MSRA: variants seen among roughly 807,000 people sequenced by gnomAD.
The protein encoded by MSRA is mitochondrial peptide methionine sulfoxide reductase.
MSRA carries 54 observed loss-of-function variants against 31.3 expected under a neutral mutation model. The observed-to-expected ratio is 1.73, with a 90% CI of 1.39 to 2.17. The LOEUF is 2.17. Ranked by LOEUF, MSRA falls within the 30% of genes most tolerant of loss-of-function variation. The pLI, the probability that MSRA is intolerant of heterozygous loss-of-function variation, is 0.00. For missense variants in MSRA, 507 were observed against 300.9 expected (o/e 1.69, Z -5.07); for synonymous variants, 169 against 116.5 (o/e 1.45, Z -2.90).
At chr8:10,076,696 AC>A (rs1798010775) in intron 1 of MSRA, among the ~76,000 whole-genome samples, 2 of 152,086 alleles carry the variant, frequency 1.3e-5, no homozygotes, top group South Asian at 2.1e-4. Flanking sequence ...AGGTTCCCTT[AC>A]CCACAGTGGT....
chr8:10,418,714 G>C (rs113836197), intron 5 of MSRA, among the ~76,000 whole-genome samples: 50 of 145,072 alleles, frequency 3.4e-4, no homozygotes, highest in African/African-American at 1.2e-3. Flanking sequence ...AGGACTTCTA[G>C]AGATAGTAGT....
At chr8:10,363,053 C>G (rs1321815133) in intron 5 of MSRA, among the ~76,000 whole-genome samples, 1 of 152,220 alleles carries the variant, frequency 6.6e-6, no homozygotes. Context: ...CAGCCTCAGT[C>G]ACTGGTGTGG....
intron 1 of MSRA, among the ~76,000 whole-genome samples, chr8:10,158,258 C>T (rs959922660): frequency 3.3e-5 from 5 of 152,178 alleles, no homozygotes; most frequent in African/African-American, 9.7e-5. Flanking sequence ...ACATTCAGAC[C>T]GTAGCAAATG....
intron 1 of MSRA, among the ~76,000 whole-genome samples, chr8:10,192,866 C>T (rs1316929643): frequency 9.9e-6 from 1 of 101,362 alleles, no homozygotes; most frequent in Non-Finnish European, 1.9e-5. Context: ...ACAGCATGTT[C>T]ATGGAAAATG....
chr8:10,095,250 G>A (rs1799075341), intron 1 of MSRA, among the ~76,000 whole-genome samples: 1 of 152,176 alleles, frequency 6.6e-6, no homozygotes, highest in Non-Finnish European at 1.5e-5. Flanking sequence ...TGTCGCATAT[G>A]GACATTTCTA....
At chr8:10,192,704 G>C (rs1355828604) in intron 1 of MSRA, among the ~76,000 whole-genome samples, 1 of 152,168 alleles carries the variant, frequency 6.6e-6, no homozygotes, top group South Asian at 2.1e-4. Flanking sequence ...GTATGTAAGG[G>C]TATGTTCTTG....
chr8:10,219,806 C>A (rs71516560), intron 2 of MSRA, among the ~76,000 whole-genome samples: 19,622 of 56,656 alleles, frequency 0.35, 3,218 homozygotes, highest in South Asian at 0.47. Context: ...ACTCTGTCTC[C>A]AAAAAAAAAA....
chr8:10,245,816 C>T (rs1225200862), intron 3 of MSRA, among the ~76,000 whole-genome samples: 2 of 152,184 alleles, frequency 1.3e-5, no homozygotes, highest in Non-Finnish European at 2.9e-5. Context: ...TACCATTGGC[C>T]AAAGCAAGTC....
At chr8:10,219,116 A>G (rs1810258954) in intron 2 of MSRA, among the ~76,000 whole-genome samples, 1 of 152,228 alleles carries the variant, frequency 6.6e-6, no homozygotes, top group Non-Finnish European at 1.5e-5. Context: ...TAGATGTGCA[A>G]TGCCTTCAAA....
In MSRA at chr8:10,306,784, G is replaced by A. The variant is rs532530699; in HGVS notation, c.436+5146G>A. Among the ~76,000 whole-genome samples the A allele has an allele frequency of 2.6e-5, 4 of 152,262 alleles. No homozygotes were observed. In the South Asian group the frequency reaches 6.2e-4, roughly 24 times the overall value. The stretch of plus-strand genomic sequence containing the variant: ...GCACAGACTGAGTGCCTCGAGCCAA[G>A]CCACAGGTACACCAGGCAGAGGGTC... On this transcript the variant is annotated intron_variant, in intron 4 of 5. Coordinates refer to ENST00000317173, the MANE Select transcript of MSRA (RefSeq NM_012331.5).
chr8:10,153,908 T>A (rs1455209804), intron 1 of MSRA, among the ~76,000 whole-genome samples: 1 of 152,224 alleles, frequency 6.6e-6, no homozygotes, highest in Non-Finnish European at 1.5e-5. Context: ...AAATAAAAAT[T>A]ATCCAAATGT....
intron 1 of MSRA, among the ~76,000 whole-genome samples, chr8:10,060,338 A>C (rs1802639363): frequency 6.6e-6 from 1 of 152,232 alleles, no homozygotes; most frequent in South Asian, 2.1e-4. Context: ...TGTAGCATTA[A>C]GTGAAAAAAG....
intron 2 of MSRA, among the ~76,000 whole-genome samples, chr8:10,236,084 G>A (rs1043741815): frequency 1.3e-5 from 2 of 152,102 alleles, no homozygotes; most frequent in African/African-American, 4.8e-5. Flanking sequence ...ACTCATGCAT[G>A]ATAAAAAGCT....
rs755023697 is a variant in MSRA at position 10,245,242 on chromosome 8, A to G, written c.331+19A>G. On this transcript the variant is annotated intron_variant, in intron 3 of 5. Coordinates refer to ENST00000317173, the MANE Select transcript of MSRA (RefSeq NM_012331.5). The stretch of plus-strand genomic sequence containing the variant: ...TGCTCAGGTAGGAAGAATTTGCTTT[A>G]TTGTATTACTAGGAGAAACAAGGGA... 3 of 1,611,358 alleles carry G rather than the reference A, an allele frequency of 1.9e-6. No homozygotes were observed. The highest frequency in any genetic ancestry group is 2.2e-5 in the East Asian group (1 of 44,824).
chr8:10,128,583 G>T (rs993841448), intron 1 of MSRA, among the ~76,000 whole-genome samples: 1 of 152,074 alleles, frequency 6.6e-6, no homozygotes, highest in Non-Finnish European at 1.5e-5. Context: ...AGCCCAGCCT[G>T]GAAAACAAGC....
At chr8:10,214,465 T>A (rs1809805101) in intron 2 of MSRA, among the ~76,000 whole-genome samples, 1 of 152,188 alleles carries the variant, frequency 6.6e-6, no homozygotes, top group Admixed American at 6.5e-5. Context: ...TATGTCAGAC[T>A]TCAAAGGGAA....
chr8:10,080,317 C>CTT (rs201769416), intron 1 of MSRA, among the ~76,000 whole-genome samples: 2 of 142,062 alleles, frequency 1.4e-5, no homozygotes, highest in Admixed American at 7.1e-5. Context: ...TTTTTTAAAT[C>CTT]TTTTTTTTTT....
chr8:10,078,108 A>T (rs1245806754), intron 1 of MSRA, among the ~76,000 whole-genome samples: 1 of 152,248 alleles, frequency 6.6e-6, no homozygotes, highest in Non-Finnish European at 1.5e-5. Flanking sequence ...AAATTGGGAA[A>T]ATTTAGTCAC....
intron 5 of MSRA, among the ~76,000 whole-genome samples, chr8:10,327,137 T>G (rs530412380): frequency 8.5e-5 from 13 of 152,330 alleles, no homozygotes; most frequent in African/African-American, 3.1e-4. Flanking sequence ...TACAATATAT[T>G]AAGTTCTAAT....
Sources: gnomAD v4.1 joint callset for allele counts (sites outside exome capture counted in the v4.1 genomes callset) on GRCh38, gnomAD v4.1.1 for gene constraint, MANE v1.5 for transcripts, NCBI Gene and HGNC (gene_info 2026-07-23, HGNC 2026-07-21) for gene names.